Variants in HHATL observed in about 807,000 individuals in gnomAD.
HHATL encodes hedgehog acyltransferase like, also known as protein-cysteine N-palmitoyltransferase HHAT-like protein.
A neutral mutation model predicts 59.7 loss-of-function variants in HHATL; 49 were observed. The ratio of observed to expected loss-of-function variants is 0.82; its 90% CI spans 0.65 to 1.04. The LOEUF is 1.04. Among genes scored for constraint, HHATL ranks in the 50% least tolerant of loss-of-function variants. The pLI is 0.00. For synonymous variants in HHATL, 238 were observed against 257.3 expected, an observed-to-expected ratio of 0.93 and a Z score of 0.72; for missense variants, 605 against 650.8, an observed-to-expected ratio of 0.93 and a Z score of 0.77.
intron 9 of HHATL, among the ~76,000 whole-genome samples, chr3:42,696,410 TGGA>T (rs1697611999): frequency 6.6e-6 from 1 of 152,180 alleles, no homozygotes; most frequent in Non-Finnish European, 1.5e-5. Flanking sequence ...ATCAGTCCTC[TGGA>T]CCCTCAGAAA....
chr3:42,692,759 G>C lies in HHATL; in HGVS notation c.1507C>G (p.Pro503Ala), dbSNP rs199578684. ...CCTCTACCCGCTCCCTCCTACTCCG[G>C]CTTCTCTTTGTCCTGCTTCTGCTCC... is the stretch of plus-strand genomic sequence containing the variant. The part of the protein sequence containing the change: ...EEEQKQDKEK[P>A]E Residue 503 changes from proline (P) to alanine (A), a missense_variant, in exon 12 of 12, where the codon CCG becomes GCG. Coordinates refer to ENST00000441594, the MANE Select transcript of HHATL (RefSeq NM_020707.4). 2.5e-4 allele frequency: 398 copies of C among 1,614,184 alleles called. No homozygotes were observed. The highest frequency in any genetic ancestry group is 9.9e-4 in the Middle Eastern group (6 of 6,062).
chr3:42,699,875 C>T (rs1369714710), intron 2 of HHATL, 50 bp from the exon 3 acceptor site: 2 of 1,468,510 alleles, frequency 1.4e-6, no homozygotes, highest in South Asian at 2.5e-5. Flanking sequence ...ATCCCCTGCC[C>T]CACCTTCCCC....
intron 10 of HHATL, 42 bp from the exon 11 acceptor site, chr3:42,693,260 A>G: frequency 6.2e-7 from 1 of 1,608,438 alleles, no homozygotes; most frequent in Non-Finnish European, 8.5e-7. Context: ...ACAAGAGGCC[A>G]AAGGAAAGAG....
chr3:42,697,685 G>A lies in HHATL; in HGVS notation c.694-6C>T, dbSNP rs770849622. The A allele has an allele frequency of 2.5e-6, 4 of 1,611,790 alleles. No homozygotes were observed. Among genetic ancestry groups the A allele is most frequent in the Non-Finnish European group, 3.4e-6 (4 of 1,178,394 alleles). ...ACTGGCTCCACCTGGCTCACCTGGG[G>A]GGATGCGAAGGGTCTGAGGGAAGAG... On this transcript the variant is annotated splice_region_variant and splice_polypyrimidine_tract_variant and intron_variant, in intron 6 of 11. Transcript: ENST00000441594.
intron 1 of HHATL, among the ~76,000 whole-genome samples, 179 bp downstream of exon 1, chr3:42,702,400 A>AC (rs1285627327): frequency 2.0e-5 from 3 of 152,012 alleles, no homozygotes; most frequent in South Asian, 2.1e-4. Flanking sequence ...CTCCTGATAG[A>AC]CCCCCAGACC....
Position 42,701,057 on chromosome 3 carries a change from C to A in HHATL, c.-13-218G>T, listed in dbSNP as rs940644146. ...CCCAGCTGCTGCTCTTGCCCCCACC[C>A]CACCCATCAAGGCTCTTGCCCGCAG... On this transcript the variant is annotated intron_variant, in intron 1 of 11. Transcript: ENST00000441594. This position sits in a 1 kb window ranked among gnomAD's most constrained non-coding sequence, Gnocchi z 5.1. 1 of 533,756 alleles carries A rather than the reference C, an allele frequency of 1.9e-6. No individual in the cohort carries two copies. Among genetic ancestry groups the A allele is most frequent in the East Asian group, 2.9e-5 (1 of 34,096 alleles). 33.1% of individuals were successfully genotyped at this position (533,756 alleles called of 1,614,324 possible). A position where few individuals can be genotyped will look rare whatever the true frequency, so the allele number is the denominator to read the frequency against.
At chr3:42,700,966 G>T in intron 1 of HHATL, 127 bp from the exon 2 acceptor site, 1 of 635,414 alleles carries the variant, frequency 1.6e-6, no homozygotes. Context: ...TGGGGACCTT[G>T]TACCATCACT....
At position 42,693,616 on chromosome 3, in the gene HHATL, C is replaced by T. The variant is rs762019597; in HGVS notation, c.1248+1G>A. 1 of 1,613,734 alleles carries T rather than the reference C, an allele frequency of 6.2e-7. No individual in the cohort carries two copies. The highest frequency in any genetic ancestry group is 1.7e-5 in the Admixed American group (1 of 59,990). The stretch of plus-strand genomic sequence containing the variant: ...CCCAGCCCCAGGTCTTCCCTGCTCA[C>T]CTCAATTCGTGCTAGGGGCCCCCAC... On this transcript the variant is annotated splice_donor_variant, in intron 10 of 11. Coordinates refer to ENST00000441594, the MANE Select transcript of HHATL (RefSeq NM_020707.4). LOFTEE classifies it high-confidence loss of function.
chr3:42,692,969 C>T lies in HHATL; in HGVS notation c.1391-94G>A. 3 of 1,583,058 alleles carry T rather than the reference C, an allele frequency of 1.9e-6. No homozygotes were observed. In the African/African-American group the frequency reaches 4.0e-5, roughly 21 times the overall value. On this transcript the variant is annotated intron_variant, in intron 11 of 11. Coordinates refer to ENST00000441594, the MANE Select transcript of HHATL (RefSeq NM_020707.4). ...CCCTCTCCCCGCTTGATGGGCCCTC[C>T]CTTCTGAGTCCCAGGGGTGATGAGG...
Sources: gnomAD v4.1 joint callset for allele counts (sites outside exome capture counted in the v4.1 genomes callset) on GRCh38, gnomAD v4.1.1 for gene constraint, Gnocchi (gnomAD v3.1) non-coding constraint, MANE v1.5 for transcripts, NCBI Gene and HGNC (gene_info 2026-07-23, HGNC 2026-07-21) for gene names.